BMF: variants seen among roughly 807,000 people sequenced by gnomAD.
The protein encoded by BMF is Bcl2 modifying factor.
In BMF, 10 loss-of-function variants were observed where a neutral mutation model predicts 22.0. The observed-to-expected ratio is 0.45, with a 90% CI of 0.28 to 0.77. The LOEUF (loss-of-function observed/expected upper bound fraction) is 0.77. Ranked by LOEUF, BMF falls within the 30% of genes least tolerant of loss-of-function variation. The pLI is 0.13. For synonymous variants in BMF, 87 were observed against 88.1 expected (o/e 0.99, Z 0.07); for missense variants, 206 against 226.8 (o/e 0.91, Z 0.59).
At chr15:40,103,613 G>A (rs1223105007) in intron 4 of BMF, among the ~76,000 whole-genome samples, 3 of 152,238 alleles carry the variant, frequency 2.0e-5, no homozygotes, top group African/African-American at 4.8e-5. Flanking sequence ...CCGGTCTGGG[G>A]AGCCTCTCCG....
chr15:40,092,161 C>T (rs2036248311), intron 4 of BMF, among the ~76,000 whole-genome samples: 1 of 152,106 alleles, frequency 6.6e-6, no homozygotes, highest in Admixed American at 6.5e-5. Context: ...AAGCTTTTTC[C>T]CCTGCTTGCA....
chr15:40,094,101 C>T (rs756579310), intron 4 of BMF, among the ~76,000 whole-genome samples: 24 of 152,152 alleles, frequency 1.6e-4, no homozygotes, highest in Non-Finnish European at 2.9e-4. Context: ...ACTAAATCAT[C>T]TCAAAACAGC....
Position 40,104,325 on chromosome 15 carries a change from C to G in BMF, c.308G>C (p.Arg103Pro). The change falls in exon 4 of 5, where the codon CGG becomes CCG. Residue 103 changes from arginine to proline, a missense_variant. Coordinates refer to ENST00000354670, the MANE Select transcript of BMF (RefSeq NM_001003940.2). ...TGGGAAACTGGCAGGGAGAGGAAGC[C>G]GATAGCCAGCATTGCCTGCAAAGAT... ...QRLFYGNAGY[R>P]LPLPASFPAV... 1 of 1,614,148 alleles carries G rather than the reference C, an allele frequency of 6.2e-7. No individual in the cohort carries two copies.
chr15:40,096,153 CTTTTT>C (rs532459310), intron 4 of BMF, among the ~76,000 whole-genome samples: 1 of 115,096 alleles, frequency 8.7e-6, no homozygotes, highest in Non-Finnish European at 1.8e-5. Context: ...AAAAGGCCTC[CTTTTT>C]TTTTTTTTTT....
At chr15:40,099,907 T>C (rs2036441872) in intron 4 of BMF, among the ~76,000 whole-genome samples, 1 of 152,146 alleles carries the variant, frequency 6.6e-6, no homozygotes. Flanking sequence ...TTTTGTGATA[T>C]TACAGCTAAA....
At chr15:40,101,572 A>G (rs2036476461) in intron 4 of BMF, among the ~76,000 whole-genome samples, 1 of 152,216 alleles carries the variant, frequency 6.6e-6, no homozygotes, top group Non-Finnish European at 1.5e-5. Context: ...AAGGATAAGA[A>G]TGGAGGAGTG....
At chr15:40,098,527 C>T (rs970460523) in intron 4 of BMF, among the ~76,000 whole-genome samples, 4 of 152,204 alleles carry the variant, frequency 2.6e-5, no homozygotes, top group Non-Finnish European at 5.9e-5. Flanking sequence ...CAGGTTCTGA[C>T]ACTCGACTTG....
Position 40,106,195 on chromosome 15 carries a change from G to T in BMF, c.-5-104C>A. On this transcript the variant is annotated intron_variant, in intron 2 of 4. Transcript: ENST00000354670. This position sits in a 1 kb window ranked among gnomAD's most constrained non-coding sequence, Gnocchi z 4.1. ...TACCATACTCCCCCTTCTTATTTGA[G>T]CTGGCCGGACCACATACTGATGACA... 7.5e-7 allele frequency: 1 copy of T among 1,327,448 alleles called. No homozygotes were observed. Among genetic ancestry groups the T allele is most frequent in the Middle Eastern group, 2.1e-4 (1 of 4,764 alleles). 82.2% of individuals were successfully genotyped at this position (1,327,448 alleles called of 1,614,324 possible).
At chr15:40,097,054 C>T (rs760053281) in intron 4 of BMF, among the ~76,000 whole-genome samples, 10 of 152,212 alleles carry the variant, frequency 6.6e-5, no homozygotes, top group Admixed American at 2.0e-4. Context: ...AAAGAAAGAG[C>T]CTTGCAATTA....
chr15:40,096,907 G>C (rs2036373570), intron 4 of BMF, among the ~76,000 whole-genome samples: 1 of 152,180 alleles, frequency 6.6e-6, no homozygotes, highest in Admixed American at 6.5e-5. Flanking sequence ...TTCAGACTGT[G>C]ATCTGAAACC....
Position 40,097,799 on chromosome 15 carries a change from G to A in BMF, c.454-5911C>T, listed in dbSNP as rs777776796. Among the ~76,000 whole-genome samples the A allele has an allele frequency of 7.2e-5, 11 of 152,128 alleles. No individual in the cohort carries two copies. The East Asian group carries it at 7.7e-4, about 11-fold the overall frequency. On this transcript the variant is annotated intron_variant, in intron 4 of 4. Transcript: ENST00000354670. Reference sequence around the variant, plus strand: ...GGGACTCACTGGCTTTGCAGAGCACGTCTCTCAATATGCTCTGCAACAGGG... The same window carrying A: ...GGGACTCACTGGCTTTGCAGAGCACATCTCTCAATATGCTCTGCAACAGGG...
At chr15:40,103,188 C>A (rs1168893851) in intron 4 of BMF, among the ~76,000 whole-genome samples, 3 of 152,236 alleles carry the variant, frequency 2.0e-5, no homozygotes, top group Non-Finnish European at 2.9e-5. Flanking sequence ...GCTATTTATT[C>A]CCTTGATTTC....
rs773621715 is a variant in BMF, at chr15:40,106,016, G to T, written c.71C>A (p.Thr24Asn). Residue 24 changes from threonine to asparagine, a missense_variant, in exon 3 of 5, where the codon ACC becomes AAC. Coordinates refer to ENST00000354670, the MANE Select transcript of BMF (RefSeq NM_001003940.2). The surrounding 1 kb of genome is among the most constrained non-coding windows in gnomAD (Gnocchi z 4.1). ...AGCAGAGAGCAAGCTCCCGGGTTGGGTCACCGGCTCCCCATCCTCTGGTTG... is the reference window on the plus strand; with the variant it reads ...AGCAGAGAGCAAGCTCCCGGGTTGGTTCACCGGCTCCCCATCCTCTGGTTG... ...VFQPEDGEPV[T>N]QPGSLLSADL... is the part of the protein sequence containing the mutation. 2.5e-6 allele frequency: 4 copies of T among 1,613,850 alleles called. No homozygotes were observed. Among genetic ancestry groups the T allele is most frequent in the Non-Finnish European group, 2.5e-6 (3 of 1,180,014 alleles).
chr15:40,098,183 G>A (rs980608156), intron 4 of BMF, among the ~76,000 whole-genome samples: 7 of 152,244 alleles, frequency 4.6e-5, no homozygotes, highest in Admixed American at 3.9e-4. Flanking sequence ...TCCGAAGCCA[G>A]CCAGCTCTCA....
chr15:40,101,297 G>A (rs2036471303), intron 4 of BMF, among the ~76,000 whole-genome samples: 2 of 152,216 alleles, frequency 1.3e-5, no homozygotes, highest in African/African-American at 4.8e-5. Context: ...AACATCTACT[G>A]TGTGTCCCAA....
chr15:40,107,809 C>G (rs1048167898), intron 2 of BMF, among the ~76,000 whole-genome samples: 1 of 152,106 alleles, frequency 6.6e-6, no homozygotes, highest in Non-Finnish European at 1.5e-5. Context: ...TTCCCCTCCC[C>G]CTCCCAGCAA....
chr15:40,101,564 G>A (rs1303141985), intron 4 of BMF, among the ~76,000 whole-genome samples: 4 of 152,160 alleles, frequency 2.6e-5, no homozygotes, highest in Non-Finnish European at 5.9e-5. Context: ...AGAAGATAAA[G>A]GATAAGAATG....
intron 2 of BMF, among the ~76,000 whole-genome samples, chr15:40,107,325 A>T (rs1402426179): frequency 6.6e-6 from 1 of 152,226 alleles, no homozygotes; most frequent in Non-Finnish European, 1.5e-5. Flanking sequence ...GGATTGGTGA[A>T]GTAGCTAAAA....
Position 40,106,037 on chromosome 15 carries a change from G to T in BMF, c.50C>A (p.Pro17Gln). 6.2e-7 allele frequency: 1 copy of T among 1,613,460 alleles called. No individual in the cohort carries two copies. Among genetic ancestry groups the T allele is most frequent in the Non-Finnish European group, 8.5e-7 (1 of 1,179,914 alleles). ...VEELEDDVFQ[P>Q]EDGEPVTQPG... ...TTGGGTCACCGGCTCCCCATCCTCT[G>T]GTTGGAACACATCATCCTCCAGCTC... The change falls in exon 3 of 5, where the codon CCA (proline) becomes CAA (glutamine). Residue 17 changes from proline (P) to glutamine (Q), a missense_variant. Transcript: ENST00000354670. This position sits in a 1 kb window ranked among gnomAD's most constrained non-coding sequence, Gnocchi z 4.1.
Sources: allele counts gnomAD v4.1 joint callset (sites outside exome capture counted in the v4.1 genomes callset), GRCh38; gene constraint gnomAD v4.1.1; non-coding constraint Gnocchi (gnomAD v3.1); transcripts MANE v1.5; gene names NCBI Gene and HGNC (gene_info 2026-07-23, HGNC 2026-07-21).